IPP: variants seen among roughly 807,000 people sequenced by gnomAD.
IPP encodes intracisternal A particle-promoted polypeptide, also known as actin-binding protein IPP.
A neutral mutation model predicts 64.1 loss-of-function variants in IPP; 41 were observed. The observed-to-expected ratio is 0.64, with a 90% CI of 0.50 to 0.83. IPP has a LOEUF of 0.83. Among genes scored for constraint, IPP ranks in the 40% least tolerant of loss-of-function variants. The probability of loss-of-function intolerance (pLI) is 0.00; values close to 1 mark genes in which losing one functional copy is unlikely to be tolerated. For synonymous variants in IPP, 214 were observed against 235.2 expected, an observed-to-expected ratio of 0.91 and a Z score of 0.83; for missense variants, 649 against 703.0, an observed-to-expected ratio of 0.92 and a Z score of 0.87.
At position 45,746,138 on chromosome 1, in the gene IPP, G is replaced by C. The variant is rs571736002; in HGVS notation, c.274C>G (p.Leu92Val). 10 of 1,613,344 alleles carry C rather than the reference G, an allele frequency of 6.2e-6. No individual in the cohort carries two copies. In the East Asian group the frequency reaches 1.3e-4, roughly 22 times the overall value. Residue 92 changes from leucine (L) to valine (V), a missense_variant, in exon 2 of 9, where the codon CTA becomes GTA. By Grantham distance (32) the Leu-to-Val change is conservative (BLOSUM62 1). Transcript: ENST00000396478. The part of the protein sequence containing the change: ...GIEAGIFQIL[L>V]DFIYTGIVNI... The stretch of plus-strand genomic sequence containing the variant: ...AACATACCTGTGTAAATGAAATCTA[G>C]AAGTATCTGAAAGATTCCTGCTTCA...
chr1:45,709,730 G>A (rs71500089), intron 8 of IPP, among the ~76,000 whole-genome samples: 87 of 85,262 alleles, frequency 1.0e-3, no homozygotes, highest in Non-Finnish European at 1.6e-3. Flanking sequence ...GGGAGGCTAA[G>A]ACAGGAGAAT....
chr1:45,717,777 T>G (rs1302430783), intron 6 of IPP, among the ~76,000 whole-genome samples: 1 of 152,182 alleles, frequency 6.6e-6, no homozygotes, highest in African/African-American at 2.4e-5. Context: ...CCTCCCAAAG[T>G]GCTGGGATTA....
chr1:45,707,528 A>C (rs1645527898), intron 8 of IPP, among the ~76,000 whole-genome samples: 1 of 152,042 alleles, frequency 6.6e-6, no homozygotes, highest in Non-Finnish European at 1.5e-5. Context: ...AGAAGACATA[A>C]GAAAACAGAT....
Position 45,741,030 on chromosome 1 carries a change from G to A in IPP, c.595C>T (p.Gln199Ter), listed in dbSNP as rs376546286. The A allele has an allele frequency of 1.2e-6, 2 of 1,613,752 alleles. No individual in the cohort carries two copies. The highest frequency in any genetic ancestry group is 1.3e-5 in the African/African-American group (1 of 74,920). Residue 199 changes from glutamine (Q) to a stop codon, truncating the protein, a stop_gained, in exon 3 of 9, where the codon CAG (glutamine) becomes TAG (stop). Coordinates refer to ENST00000396478, the MANE Select transcript of IPP (RefSeq NM_005897.3). LOFTEE classifies it high-confidence loss of function. Reference sequence around the variant, plus strand: ...CATTGCATTGCAGCTAAGAAGACCTGGTATTCATCCTCAATGCTAAGCTCT... The same window carrying A: ...CATTGCATTGCAGCTAAGAAGACCTAGTATTCATCCTCAATGCTAAGCTCT... ...SEELSIEDEY[Q>*]VFLAAMQWIL... is the part of the protein sequence containing the mutation.
At position 45,720,684 on chromosome 1, in the gene IPP, C is replaced by G. The variant is rs1057135548; in HGVS notation, c.1049-1344G>C. Among the ~76,000 whole-genome samples, 14 of 152,194 alleles carry G rather than the reference C, an allele frequency of 9.2e-5. No individual in the cohort carries two copies. The East Asian group carries it at 2.3e-3, about 25-fold the overall frequency. Reference sequence around the variant, plus strand: ...AGACTAATGGAACAGAAAAGAAATTCTAGGAACAGAAACGTACCTATATGA... The same window carrying G: ...AGACTAATGGAACAGAAAAGAAATTGTAGGAACAGAAACGTACCTATATGA... On this transcript the variant is annotated intron_variant, in intron 5 of 8. Transcript: ENST00000396478.
chr1:45,714,834 T>C (rs909259011), intron 7 of IPP, among the ~76,000 whole-genome samples: 1 of 152,046 alleles, frequency 6.6e-6, no homozygotes, highest in Non-Finnish European at 1.5e-5. Flanking sequence ...AAGCTGGGAA[T>C]TACATGGCCC....
intron 2 of IPP, among the ~76,000 whole-genome samples, chr1:45,742,598 A>G (rs888771137): frequency 6.6e-6 from 1 of 152,074 alleles, no homozygotes; most frequent in African/African-American, 2.4e-5. Flanking sequence ...CAGTGGCGCA[A>G]TCTTGGCCCA....
chr1:45,730,363 A>AT (rs1570018000), intron 3 of IPP, among the ~76,000 whole-genome samples: 1 of 152,180 alleles, frequency 6.6e-6, no homozygotes, highest in African/African-American at 2.4e-5. Context: ...AAAATAAAAA[A>AT]AAAAAAAGAA....
At chr1:45,743,890 G>A (rs768799578) in intron 2 of IPP, among the ~76,000 whole-genome samples, 1 of 151,754 alleles carries the variant, frequency 6.6e-6, no homozygotes. Flanking sequence ...GTTAGTGCAA[G>A]CCTATAATCC....
chr1:45,724,623 G>C (rs1346470324), intron 5 of IPP, among the ~76,000 whole-genome samples: 3 of 148,552 alleles, frequency 2.0e-5, no homozygotes, highest in Non-Finnish European at 4.5e-5. Context: ...GAGCACCTCT[G>C]CCCCGCCGCC....
At chr1:45,745,626 A>G (rs1409389746) in intron 2 of IPP, among the ~76,000 whole-genome samples, 1 of 152,068 alleles carries the variant, frequency 6.6e-6, no homozygotes, top group Non-Finnish European at 1.5e-5. Flanking sequence ...TGGGAGGCCA[A>G]GGCGGGCGGA....
downstream of IPP, among the ~76,000 whole-genome samples, chr1:45,696,129 G>C (rs1460240598): frequency 6.6e-6 from 1 of 152,174 alleles, no homozygotes; most frequent in African/African-American, 2.4e-5. Context: ...TTCCAGAATA[G>C]AGGCAAATCA....
rs1646209540 is a variant in IPP at position 45,750,589 on chromosome 1, C to T, written c.-51+8G>A. The T allele has an allele frequency of 6.6e-6, 1 of 152,490 alleles. No homozygotes were observed. Among genetic ancestry groups the T allele is most frequent in the East Asian group, 1.9e-4 (1 of 5,210 alleles). The allele number at this position is 152,490 out of a possible 1,614,324, so 9.4% of individuals were successfully genotyped here. ...TCACAGACGCGCCCGAACGCAGGCC[C>T]TCCTTACCCGCCGCTTCCCCTTCCC... is the stretch of plus-strand genomic sequence containing the variant. On this transcript the variant is annotated splice_region_variant and intron_variant, in intron 1 of 8. Coordinates refer to ENST00000396478, the MANE Select transcript of IPP (RefSeq NM_005897.3).
chr1:45,707,248 C>G (rs1645523569), intron 8 of IPP, among the ~76,000 whole-genome samples: 1 of 151,756 alleles, frequency 6.6e-6, no homozygotes, highest in Admixed American at 6.6e-5. Context: ...ACGGTGAAAC[C>G]CCATCTCTAC....
At chr1:45,716,383 TACAGGTGTGTAGTA>T (rs554605181) in intron 7 of IPP, among the ~76,000 whole-genome samples, 1 of 152,296 alleles carries the variant, frequency 6.6e-6, no homozygotes, top group East Asian at 1.9e-4. Flanking sequence ...TAGTTGGGAT[TACAGGTGTGTAGTA>T]ACATGCCCAG....
intron 4 of IPP, among the ~76,000 whole-genome samples, chr1:45,728,273 C>T (rs994171776): frequency 6.6e-6 from 1 of 150,968 alleles, no homozygotes; most frequent in Non-Finnish European, 1.5e-5. Flanking sequence ...CTGATGAAAT[C>T]CTTGTTTTGA....
At chr1:45,712,863 AAG>A (rs1384539490) in intron 8 of IPP, among the ~76,000 whole-genome samples, 9 of 140,218 alleles carry the variant, frequency 6.4e-5, no homozygotes, top group African/African-American at 2.5e-4. Context: ...CAAAAAAAAA[AAG>A]AAAAAAAAAA....
Position 45,746,272 on chromosome 1 carries a change from C to A in IPP, c.140G>T (p.Ser47Ile), listed in dbSNP as rs1231702831. ...CAAAACCAGCCGATGAGCTTTAAAA[C>A]TTTCCTGTCCAACTTGCAGCTGCAC... Reference protein sequence around the residue: ...CDVQLQVGQESFKAHRLVLAA... With the variant: ...CDVQLQVGQEIFKAHRLVLAA... Residue 47 changes from serine (S) to isoleucine (I), a missense_variant, in exon 2 of 9, where the codon AGT becomes ATT. Transcript: ENST00000396478. 1 of 1,614,092 alleles carries A rather than the reference C, an allele frequency of 6.2e-7. No homozygotes were observed. Among genetic ancestry groups the A allele is most frequent in the Non-Finnish European group, 8.5e-7 (1 of 1,180,048 alleles).
intron 6 of IPP, 24 bp downstream of exon 6, chr1:45,719,179 C>T: frequency 6.2e-7 from 1 of 1,611,854 alleles, no homozygotes; most frequent in Non-Finnish European, 8.5e-7. Flanking sequence ...TATTAGCTAT[C>T]TTTAAACTGA....
Sources: gnomAD v4.1 joint callset for allele counts (sites outside exome capture counted in the v4.1 genomes callset) on GRCh38, gnomAD v4.1.1 for gene constraint, MANE v1.5 for transcripts, NCBI Gene and HGNC (gene_info 2026-07-23, HGNC 2026-07-21) for gene names.